SCHIP1: variants seen among roughly 807,000 people sequenced by gnomAD.
SCHIP1 encodes schwannomin interacting protein 1.
SCHIP1 carries 8 observed loss-of-function variants against 29.7 expected under a neutral mutation model. The observed-to-expected ratio is 0.27, with a 90% CI of 0.16 to 0.49. The LOEUF (loss-of-function observed/expected upper bound fraction) is 0.49, where lower values mean the gene tolerates loss of function less well. Ranked by LOEUF, SCHIP1 falls within the 20% of genes least tolerant of loss-of-function variation. The probability of loss-of-function intolerance (pLI) is 0.99; values close to 1 mark genes in which losing one functional copy is unlikely to be tolerated. For synonymous variants in SCHIP1, 76 were observed against 94.9 expected (o/e 0.80, Z 1.16); for missense variants, 193 against 294.6 (o/e 0.66, Z 2.52).
chr3:159,350,238 A>G, the SCHIP1 span, among the ~76,000 whole-genome samples: 2 of 152,186 alleles, frequency 1.3e-5, no homozygotes, highest in Non-Finnish European at 2.9e-5. Context: ...AGAAAGTGGG[A>G]AAGTTGAGGT....
chr3:159,540,767 C>T, the SCHIP1 span, among the ~76,000 whole-genome samples: 350 of 152,160 alleles, frequency 2.3e-3, 1 homozygote, highest in African/African-American at 8.0e-3. Context: ...TAAACATTTA[C>T]GTTTTAATTT....
the SCHIP1 span, among the ~76,000 whole-genome samples, chr3:159,284,565 G>A: frequency 6.6e-6 from 1 of 151,942 alleles, no homozygotes; most frequent in African/African-American, 2.4e-5. Flanking sequence ...CTCAGCTCAG[G>A]GCAACCTCTG....
chr3:159,382,179 A>G, the SCHIP1 span, among the ~76,000 whole-genome samples: 1 of 151,400 alleles, frequency 6.6e-6, no homozygotes, highest in African/African-American at 2.4e-5. Flanking sequence ...ACACATGTAT[A>G]CATGTGCCAT....
At chr3:159,542,228 C>T in the SCHIP1 span, among the ~76,000 whole-genome samples, 78 of 152,068 alleles carry the variant, frequency 5.1e-4, no homozygotes, top group African/African-American at 1.8e-3. Context: ...ACAGCATTGT[C>T]GAGGTGTAAT....
At chr3:159,401,321 T>G in the SCHIP1 span, 1 of 942,518 alleles carries the variant, frequency 1.1e-6, no homozygotes, top group Non-Finnish European at 1.3e-6. Context: ...ATATACAAAC[T>G]CTATCTTTGA....
the SCHIP1 span, among the ~76,000 whole-genome samples, chr3:159,395,169 C>T: frequency 6.6e-6 from 1 of 151,786 alleles, no homozygotes; most frequent in Non-Finnish European, 1.5e-5. Flanking sequence ...GGTGATATCC[C>T]CTTTATCATT....
chr3:159,451,095 C>G, the SCHIP1 span, among the ~76,000 whole-genome samples: 1 of 152,192 alleles, frequency 6.6e-6, no homozygotes, highest in African/African-American at 2.4e-5. Context: ...GCTTGAGCCA[C>G]TGCGCCCGGC....
chr3:159,314,773 C>A, the SCHIP1 span, among the ~76,000 whole-genome samples: 1 of 152,096 alleles, frequency 6.6e-6, no homozygotes, highest in African/African-American at 2.4e-5. Context: ...TAGTAAATTT[C>A]TTTATTGTTT....
chr3:159,753,830 T>C, the SCHIP1 span, among the ~76,000 whole-genome samples: 190 of 152,358 alleles, frequency 1.2e-3, no homozygotes, highest in Non-Finnish European at 2.3e-3. Flanking sequence ...GTTACTCCAA[T>C]GTGTTAAGCT....
At chr3:159,736,496 A>G in the SCHIP1 span, among the ~76,000 whole-genome samples, 5 of 152,230 alleles carry the variant, frequency 3.3e-5, no homozygotes, top group African/African-American at 9.6e-5. Context: ...CCAACTCCCC[A>G]ACTATTCTCC....
At chr3:159,455,962 CTG>C in the SCHIP1 span, among the ~76,000 whole-genome samples, 1 of 152,176 alleles carries the variant, frequency 6.6e-6, no homozygotes, top group Admixed American at 6.6e-5. Context: ...TCTGGAATGT[CTG>C]TATGCCCAGG....
the SCHIP1 span, among the ~76,000 whole-genome samples, chr3:159,418,008 C>G: frequency 6.6e-6 from 1 of 152,178 alleles, no homozygotes; most frequent in Non-Finnish European, 1.5e-5. Context: ...CTACTAGCTA[C>G]TCCACCCACA....
chr3:159,642,313 T>A, the SCHIP1 span, among the ~76,000 whole-genome samples: 1 of 152,066 alleles, frequency 6.6e-6, no homozygotes, highest in South Asian at 2.1e-4. Flanking sequence ...ATGACCCTAT[T>A]ATCCAGTCCA....
At chr3:159,523,116 A>G in the SCHIP1 span, among the ~76,000 whole-genome samples, 2 of 152,200 alleles carry the variant, frequency 1.3e-5, no homozygotes, top group African/African-American at 4.8e-5. Flanking sequence ...CAAATCTCAG[A>G]TATCATAATA....
the SCHIP1 span, among the ~76,000 whole-genome samples, chr3:159,363,746 T>G: frequency 6.6e-6 from 1 of 152,176 alleles, no homozygotes; most frequent in Admixed American, 6.5e-5. Context: ...ATTCCAAGTG[T>G]GGTGTTTGGG....
the SCHIP1 span, among the ~76,000 whole-genome samples, chr3:159,626,174 ATC>A: frequency 3.4e-5 from 4 of 116,538 alleles, no homozygotes; most frequent in Admixed American, 7.7e-5. Flanking sequence ...AGATATATCT[ATC>A]TATCTAGATA....
At chr3:159,777,270 C>T in the SCHIP1 span, among the ~76,000 whole-genome samples, 1 of 152,148 alleles carries the variant, frequency 6.6e-6, no homozygotes, top group African/African-American at 2.4e-5. Context: ...AATGTCTTAC[C>T]TGAAATGAGG....
rs538323219 is a variant in SCHIP1 at position 159,889,780 on chromosome 3, G to T, written c.589+837G>T. 4.6e-5 allele frequency among the ~76,000 whole-genome samples: 7 copies of T among 152,278 alleles called. No individual in the cohort carries two copies. The East Asian group carries it at 1.2e-3, about 25-fold the overall frequency. ...TTGATTTATTTTAGGTGTGATAAAG[G>T]TGTTGCAGTTATGTGAATTTAAAAA... On this transcript the variant is annotated intron_variant, in intron 5 of 6. Coordinates refer to ENST00000445224, the Ensembl canonical transcript of SCHIP1.
the SCHIP1 span, among the ~76,000 whole-genome samples, chr3:159,609,934 C>T: frequency 8.2e-4 from 125 of 152,150 alleles, no homozygotes; most frequent in African/African-American, 2.7e-3. Flanking sequence ...TGATGGGAAA[C>T]GATGAAATGG....
Sources: allele counts gnomAD v4.1 joint callset (sites outside exome capture counted in the v4.1 genomes callset), GRCh38; gene constraint gnomAD v4.1.1; transcripts MANE v1.5; gene names NCBI Gene and HGNC (gene_info 2026-07-23, HGNC 2026-07-21).